GLIS3: variants seen among roughly 807,000 people sequenced by gnomAD.
GLIS3 encodes the protein GLIS family zinc finger 3.
Under a neutral mutation model 78.6 loss-of-function variants are expected in GLIS3, and 53 were observed. The observed-to-expected ratio is 0.67, with a 90% CI of 0.54 to 0.85. The LOEUF is 0.85. Ranked by LOEUF, GLIS3 falls within the 40% of genes least tolerant of loss-of-function variation. The pLI, the probability that GLIS3 is intolerant of heterozygous loss-of-function variation, is 0.00. For synonymous variants in GLIS3, 684 were observed against 509.9 expected (o/e 1.34, Z -4.60); for missense variants, 1,703 against 1,231.1 (o/e 1.38, Z -5.74).
intron 9 of GLIS3, among the ~76,000 whole-genome samples, chr9:3,840,975 G>A (rs1818678679): frequency 6.6e-6 from 1 of 152,156 alleles, no homozygotes; most frequent in Non-Finnish European, 1.5e-5. Context: ...AGAGAAGGAG[G>A]AGGTTCTGCT....
At chr9:4,263,278 G>A (rs1332994480) in intron 2 of GLIS3, among the ~76,000 whole-genome samples, 3 of 152,196 alleles carry the variant, frequency 2.0e-5, no homozygotes, top group Admixed American at 2.0e-4. Flanking sequence ...GTTGATGGGT[G>A]AGATCACGTT....
intron 4 of GLIS3, among the ~76,000 whole-genome samples, chr9:3,995,624 T>C (rs1820682291): frequency 6.6e-6 from 1 of 151,932 alleles, no homozygotes; most frequent in Non-Finnish European, 1.5e-5. Flanking sequence ...TTTTAAAAAA[T>C]AAAATCTACT....
At chr9:4,086,209 T>G (rs1362064128) in intron 4 of GLIS3, among the ~76,000 whole-genome samples, 1 of 152,198 alleles carries the variant, frequency 6.6e-6, no homozygotes, top group Non-Finnish European at 1.5e-5. Flanking sequence ...TCTTTTGGCA[T>G]GTAATTTACT....
intron 4 of GLIS3, among the ~76,000 whole-genome samples, chr9:3,944,894 T>C (rs887171756): frequency 3.9e-5 from 6 of 152,218 alleles, no homozygotes; most frequent in Non-Finnish European, 5.9e-5. Context: ...TGTCGTATCA[T>C]GGCAGAGAAG....
At chr9:4,431,273 A>G in the GLIS3 span, among the ~76,000 whole-genome samples, 1 of 152,242 alleles carries the variant, frequency 6.6e-6, no homozygotes, top group Non-Finnish European at 1.5e-5. Context: ...TGAATCATGG[A>G]AAGAGGAATT....
intron 8 of GLIS3, among the ~76,000 whole-genome samples, chr9:3,879,148 T>G (rs1307592727): frequency 6.6e-6 from 1 of 152,178 alleles, no homozygotes; most frequent in Non-Finnish European, 1.5e-5. Context: ...AACAGACCGA[T>G]GAAAGGTAGA....
the GLIS3 span, among the ~76,000 whole-genome samples, chr9:4,362,840 T>C: frequency 6.6e-6 from 1 of 151,822 alleles, no homozygotes; most frequent in Non-Finnish European, 1.5e-5. Context: ...TGGAGAACAA[T>C]GGGGGAGGCA....
At chr9:3,907,706 T>C (rs983340948) in intron 6 of GLIS3, among the ~76,000 whole-genome samples, 3 of 151,908 alleles carry the variant, frequency 2.0e-5, no homozygotes, top group Non-Finnish European at 4.4e-5. Context: ...TGAGACGTTA[T>C]GTTCCAGAGC....
chr9:4,202,209 G>A (rs950788132), intron 2 of GLIS3, among the ~76,000 whole-genome samples: 1 of 138,798 alleles, frequency 7.2e-6, no homozygotes, highest in Non-Finnish European at 1.5e-5. Flanking sequence ...GGAAGACAGT[G>A]GCACAATCTC....
At chr9:4,004,513 G>A (rs1821386671) in intron 4 of GLIS3, among the ~76,000 whole-genome samples, 1 of 152,212 alleles carries the variant, frequency 6.6e-6, no homozygotes, top group Admixed American at 6.5e-5. Context: ...AGATACTGTT[G>A]TGTGAAATCA....
intron 2 of GLIS3, among the ~76,000 whole-genome samples, chr9:4,236,100 C>T (rs7041962): frequency 0.88 from 132,900 of 150,700 alleles, 58,886 homozygotes; most frequent in East Asian, 1. Context: ...TGATCCTTGC[C>T]GACCAAGTTC....
chr9:4,005,318 T>C (rs1456148261), intron 4 of GLIS3, among the ~76,000 whole-genome samples: 1 of 152,228 alleles, frequency 6.6e-6, no homozygotes, highest in Non-Finnish European at 1.5e-5. Context: ...TAAGAGTATG[T>C]CCTGCCATTC....
the GLIS3 span, among the ~76,000 whole-genome samples, chr9:4,465,922 A>G: frequency 6.6e-6 from 1 of 152,242 alleles, no homozygotes; most frequent in Admixed American, 6.5e-5. Flanking sequence ...AAAATTGCCA[A>G]GATTTGAGAG....
At chr9:4,036,401 A>C (rs1824312419) in intron 4 of GLIS3, among the ~76,000 whole-genome samples, 1 of 152,204 alleles carries the variant, frequency 6.6e-6, no homozygotes, top group Non-Finnish European at 1.5e-5. Flanking sequence ...TAGGATATAA[A>C]TAAACAGATG....
At chr9:4,383,113 G>A in the GLIS3 span, among the ~76,000 whole-genome samples, 5 of 152,210 alleles carry the variant, frequency 3.3e-5, no homozygotes, top group Admixed American at 3.3e-4. Flanking sequence ...ACCTGAGGCT[G>A]CCAGACTTAA....
At chr9:4,147,765 C>G (rs983980962) in intron 2 of GLIS3, 1 of 151,046 alleles carries the variant, frequency 6.6e-6, no homozygotes, top group Non-Finnish European at 1.5e-5. Flanking sequence ...GGTGGGTGAA[C>G]TCACCCACCC....
the GLIS3 span, among the ~76,000 whole-genome samples, chr9:4,455,353 A>G: frequency 1.3e-5 from 2 of 152,310 alleles, no homozygotes; most frequent in Non-Finnish European, 2.9e-5. Flanking sequence ...ACAAGTTATT[A>G]GTGGAGAGAT....
At chr9:4,294,307 G>A (rs1471020059) in intron 1 of GLIS3, among the ~76,000 whole-genome samples, 3 of 152,092 alleles carry the variant, frequency 2.0e-5, no homozygotes, top group Admixed American at 6.5e-5. Flanking sequence ...TCAGGAGTTC[G>A]AGACCAGTCT....
At position 3,979,410 on chromosome 9, in the gene GLIS3, T is replaced by C. The variant is rs1331024841; in HGVS notation, c.1711-42221A>G. Among the ~76,000 whole-genome samples, 3 of 152,236 alleles carry C rather than the reference T, an allele frequency of 2.0e-5. No individual in the cohort carries two copies. The East Asian group carries it at 5.8e-4, about 29-fold the overall frequency. On this transcript the variant is annotated intron_variant, in intron 4 of 10. Coordinates refer to ENST00000381971, the MANE Select transcript of GLIS3 (RefSeq NM_001042413.2). ...TCCTTCATGTTGTCTTAACACTGAC[T>C]TCTGCAGCATCTAAATAGCACACGC...
Sources: allele counts gnomAD v4.1 joint callset (sites outside exome capture counted in the v4.1 genomes callset), GRCh38; gene constraint gnomAD v4.1.1; transcripts MANE v1.5; gene names NCBI Gene and HGNC (gene_info 2026-07-23, HGNC 2026-07-21).